Variants in MTUS2 observed in about 807,000 individuals in gnomAD.
MTUS2 encodes the protein microtubule-associated tumor suppressor candidate 2.
MTUS2 carries 40 observed loss-of-function variants against 114.1 expected under a neutral mutation model. The observed-to-expected ratio is 0.35, with a 90% CI of 0.27 to 0.46. The LOEUF (loss-of-function observed/expected upper bound fraction) is 0.46. Among genes scored for constraint, MTUS2 ranks in the 20% least tolerant of loss-of-function variants. The pLI is 1.00. For synonymous variants in MTUS2, 688 were observed against 672.0 expected, an observed-to-expected ratio of 1.02 and a Z score of -0.37; for missense variants, 1,679 against 1,705.4, an observed-to-expected ratio of 0.98 and a Z score of 0.27.
At chr13:29,489,145 C>T (rs1380775803) in intron 11 of MTUS2, among the ~76,000 whole-genome samples, 2 of 152,020 alleles carry the variant, frequency 1.3e-5, no homozygotes, top group Admixed American at 6.6e-5. Context: ...ATTAGCCAGG[C>T]GCGGTGGGCT....
intron 9 of MTUS2, among the ~76,000 whole-genome samples, chr13:29,458,631 C>A (rs1160121845): frequency 6.6e-6 from 1 of 152,210 alleles, no homozygotes; most frequent in Non-Finnish European, 1.5e-5. Flanking sequence ...CTCTCCCAAT[C>A]TCTAGCCCTA....
At chr13:28,861,808 T>G (rs991323900) in intron 2 of MTUS2, among the ~76,000 whole-genome samples, 1 of 151,952 alleles carries the variant, frequency 6.6e-6, no homozygotes, top group Non-Finnish European at 1.5e-5. Context: ...TCTGGAGGCG[T>G]GAGTGGAGGT....
At chr13:29,461,116 G>C (rs1410641599) in intron 9 of MTUS2, among the ~76,000 whole-genome samples, 1 of 152,056 alleles carries the variant, frequency 6.6e-6, no homozygotes, top group Non-Finnish European at 1.5e-5. Flanking sequence ...TTCTGGTAAG[G>C]GCCAACTTGC....
chr13:29,302,580 C>A (rs942840898), intron 6 of MTUS2, among the ~76,000 whole-genome samples: 2 of 152,198 alleles, frequency 1.3e-5, no homozygotes, highest in Non-Finnish European at 2.9e-5. Flanking sequence ...GCCCCATTTC[C>A]ATGGCACCTC....
In MTUS2 at chr13:28,960,743, A is replaced by C. The variant is rs1248424937; in HGVS notation, c.-242-63714A>C. 2.0e-5 allele frequency among the ~76,000 whole-genome samples: 3 copies of C among 152,188 alleles called. No homozygotes were observed. The East Asian group carries it at 5.8e-4, about 29-fold the overall frequency. ...TGACTGGTGATGGGTATGGGGTTTT[A>C]TATTGTGATACAAATGTTCTGGCAT... is the stretch of plus-strand genomic sequence containing the variant. On this transcript the variant is annotated intron_variant, in intron 2 of 15. Coordinates refer to ENST00000612955, the MANE Select transcript of MTUS2 (RefSeq NM_001033602.4).
At chr13:29,295,378 G>T (rs1278893350) in intron 6 of MTUS2, among the ~76,000 whole-genome samples, 14 of 151,988 alleles carry the variant, frequency 9.2e-5, no homozygotes, top group Admixed American at 9.2e-4. Flanking sequence ...CCTCCTATCT[G>T]GATGTACTTT....
At chr13:29,087,203 G>A (rs893626981) in intron 4 of MTUS2, among the ~76,000 whole-genome samples, 1 of 152,294 alleles carries the variant, frequency 6.6e-6, no homozygotes, top group Admixed American at 6.5e-5. Flanking sequence ...AATGCTTTCA[G>A]CTTTTGCCCA....
chr13:29,491,565 T>A (rs1218532019), intron 11 of MTUS2, among the ~76,000 whole-genome samples: 1 of 50,750 alleles, frequency 2.0e-5, no homozygotes, highest in Non-Finnish European at 3.7e-5. Flanking sequence ...TATATGTATG[T>A]GGGGGAGTGT....
chr13:29,182,126 G>T (rs1052915495), intron 5 of MTUS2, among the ~76,000 whole-genome samples: 3 of 152,148 alleles, frequency 2.0e-5, no homozygotes, highest in Non-Finnish European at 4.4e-5. Context: ...GAAGAAGAAG[G>T]TTCAGATATC....
At chr13:29,042,713 G>A (rs1366803600) in intron 4 of MTUS2, among the ~76,000 whole-genome samples, 1 of 152,040 alleles carries the variant, frequency 6.6e-6, no homozygotes, top group African/African-American at 2.4e-5. Flanking sequence ...ATATTTCCAG[G>A]AACTTATTTA....
In MTUS2 at chr13:29,496,452, T is replaced by G. The variant is rs1314800601; in HGVS notation, c.3580-786T>G. On this transcript the variant is annotated intron_variant, in intron 12 of 15. Transcript: ENST00000612955. The surrounding 1 kb of genome is among the most constrained non-coding windows in gnomAD (Gnocchi z 4.3). ...GGAGTGAGAGGGAGCTGGCTGGAGG[T>G]AGGCACTGCCAGCAGGAGAGCTGGC... The G allele has an allele frequency of 6.5e-6, 1 of 153,354 alleles. No individual in the cohort carries two copies. The highest frequency in any genetic ancestry group is 1.4e-5 in the Non-Finnish European group (1 of 69,224). 9.5% of individuals were successfully genotyped at this position (153,354 alleles called of 1,614,324 possible). A position where few individuals can be genotyped will look rare whatever the true frequency, so the allele number is the denominator to read the frequency against.
At chr13:29,099,767 C>T (rs568871121) in intron 4 of MTUS2, among the ~76,000 whole-genome samples, 7 of 152,242 alleles carry the variant, frequency 4.6e-5, no homozygotes, top group Non-Finnish European at 7.4e-5. Context: ...CACTACAGCA[C>T]GTGAGGAAGC....
At chr13:28,827,508 A>G (rs1048797660) in intron 1 of MTUS2, among the ~76,000 whole-genome samples, 1 of 152,230 alleles carries the variant, frequency 6.6e-6, no homozygotes, top group Non-Finnish European at 1.5e-5. Flanking sequence ...AATAAAATAT[A>G]AATGTGAGTT....
intron 7 of MTUS2, among the ~76,000 whole-genome samples, chr13:29,349,840 A>C (rs1274438890): frequency 6.6e-6 from 1 of 151,820 alleles, no homozygotes; most frequent in East Asian, 1.9e-4. Context: ...ATATGCCTTG[A>C]TATTGTTTTC....
At chr13:29,312,324 C>T (rs1338081395) in intron 6 of MTUS2, among the ~76,000 whole-genome samples, 1 of 152,076 alleles carries the variant, frequency 6.6e-6, no homozygotes, top group African/African-American at 2.4e-5. Flanking sequence ...ATATCAAGTA[C>T]GATGTAGCCA....
At chr13:29,420,658 T>G (rs3121760) in intron 8 of MTUS2, among the ~76,000 whole-genome samples, 2 of 152,170 alleles carry the variant, frequency 1.3e-5, no homozygotes, top group African/African-American at 2.4e-5. Context: ...TTCTTTCTAT[T>G]TAACGTATGT....
chr13:29,192,938 G>T (rs1185099519), intron 5 of MTUS2, among the ~76,000 whole-genome samples: 1 of 152,158 alleles, frequency 6.6e-6, no homozygotes, highest in African/African-American at 2.4e-5. Flanking sequence ...TAATATAAGA[G>T]AATAACAGTT....
chr13:28,966,141 C>A (rs551466557), intron 2 of MTUS2, among the ~76,000 whole-genome samples: 18 of 152,242 alleles, frequency 1.2e-4, no homozygotes, highest in African/African-American at 3.1e-4. Context: ...AAAGCTAGAG[C>A]CTTTAATCAC....
Position 29,371,878 on chromosome 13 carries a change from T to C in MTUS2, c.3117+12405T>C, listed in dbSNP as rs550386661. On this transcript the variant is annotated intron_variant, in intron 8 of 15. Transcript: ENST00000612955. ...ATCAAGACTTTGTGCAGATAATTTCTGGAGGCCTAATGTTCAGCATGGTGA... is the reference window on the plus strand; with the variant it reads ...ATCAAGACTTTGTGCAGATAATTTCCGGAGGCCTAATGTTCAGCATGGTGA... Among the ~76,000 whole-genome samples the C allele has an allele frequency of 4.6e-5, 7 of 151,934 alleles. No homozygotes were observed. In the South Asian group the frequency reaches 1.5e-3, roughly 32 times the overall value.
Sources: gnomAD v4.1 joint callset for allele counts (sites outside exome capture counted in the v4.1 genomes callset) on GRCh38, gnomAD v4.1.1 for gene constraint, Gnocchi (gnomAD v3.1) non-coding constraint, MANE v1.5 for transcripts, NCBI Gene and HGNC (gene_info 2026-07-23, HGNC 2026-07-21) for gene names.